The following SLC43A2 variants were observed in gnomAD, a reference collection of about 807,000 sequenced individuals.
SLC43A2 encodes the protein solute carrier family 43 member 2, also known as large neutral amino acids transporter small subunit 4.
In SLC43A2, 38 loss-of-function variants were observed where a neutral mutation model predicts 63.2. That is an observed-to-expected ratio of 0.60 (90% confidence interval 0.46 to 0.79). SLC43A2 has a LOEUF of 0.79. Among genes scored for constraint, SLC43A2 ranks in the 30% least tolerant of loss-of-function variants. The pLI, the probability that SLC43A2 is intolerant of heterozygous loss-of-function variation, is 0.00. For missense variants in SLC43A2, 644 were observed against 756.2 expected, an observed-to-expected ratio of 0.85 and a Z score of 1.74; for synonymous variants, 322 against 331.0, an observed-to-expected ratio of 0.97 and a Z score of 0.30.
chr17:1,605,129 C>T lies in SLC43A2; in HGVS notation c.501+8066G>A. The T allele has an allele frequency of 1.5e-6, 2 of 1,294,594 alleles. No individual in the cohort carries two copies. The highest frequency in any genetic ancestry group is 2.0e-6 in the Non-Finnish European group (2 of 1,014,010). The allele number at this position is 1,294,594 out of a possible 1,614,324, so 80.2% of individuals were successfully genotyped here. On this transcript the variant is annotated intron_variant, in intron 5 of 13. Transcript: ENST00000301335. This position sits in a 1 kb window ranked among gnomAD's most constrained non-coding sequence, Gnocchi z 4.9. ...TCCCGCCCTCAGGTGCTTCCCACAG[C>T]CCCCTCGCCGCCTCTGCCTCCGTGC...
chr17:1,581,362 G>A (rs1319310449), intron 11 of SLC43A2, among the ~76,000 whole-genome samples: 2 of 152,250 alleles, frequency 1.3e-5, no homozygotes, highest in African/African-American at 4.8e-5. Flanking sequence ...TAGGGCAAAG[G>A]TCTGCCAGTC....
chr17:1,615,390 G>A (rs1004410600), intron 3 of SLC43A2, among the ~76,000 whole-genome samples: 1 of 152,012 alleles, frequency 6.6e-6, no homozygotes, highest in Non-Finnish European at 1.5e-5. Context: ...GATTACCAGT[G>A]TAAGCCACCG....
At chr17:1,581,253 C>T (rs972321916) in intron 11 of SLC43A2, among the ~76,000 whole-genome samples, 1 of 148,652 alleles carries the variant, frequency 6.7e-6, no homozygotes, top group African/African-American at 2.5e-5. Flanking sequence ...ACCTCAAATG[C>T]CTTGTTGCCT....
Position 1,583,537 on chromosome 17 carries a change from A to T in SLC43A2, c.1218-201T>A. On this transcript the variant is annotated intron_variant, in intron 10 of 13. Coordinates refer to ENST00000301335, the MANE Select transcript of SLC43A2 (RefSeq NM_152346.3). This position sits in a 1 kb window ranked among gnomAD's most constrained non-coding sequence, Gnocchi z 5.5. The stretch of plus-strand genomic sequence containing the variant: ...CCTTCTCAGTGGCAAGCTGAGTGTG[A>T]CTCTCGGAGGGGGTCTCGGGTACAA... 1 of 792,074 alleles carries T rather than the reference A, an allele frequency of 1.3e-6. No homozygotes were observed. Among genetic ancestry groups the T allele is most frequent in the Non-Finnish European group, 1.9e-6 (1 of 529,502 alleles). The allele number at this position is 792,074 out of a possible 1,614,324, so 49.1% of individuals were successfully genotyped here. A position where few individuals can be genotyped will look rare whatever the true frequency, so the allele number is the denominator to read the frequency against.
intron 2 of SLC43A2, among the ~76,000 whole-genome samples, chr17:1,624,087 C>T (rs1598499631): frequency 1.3e-5 from 2 of 152,364 alleles, no homozygotes; most frequent in Non-Finnish European, 1.5e-5. Flanking sequence ...GCACCCAGCA[C>T]GGCACCTTCG....
intron 5 of SLC43A2, among the ~76,000 whole-genome samples, chr17:1,594,293 G>A (rs1412387081): frequency 1.4e-4 from 22 of 152,130 alleles, no homozygotes; most frequent in Admixed American, 3.9e-4. Context: ...AGGGCAAGAG[G>A]GGGCCCACCT....
chr17:1,579,871 A>G (rs1441100574), intron 11 of SLC43A2, among the ~76,000 whole-genome samples: 1 of 151,776 alleles, frequency 6.6e-6, no homozygotes, highest in Non-Finnish European at 1.5e-5. Context: ...AAAACCATGG[A>G]AAACCTCATC....
chr17:1,585,142 G>T, intron 10 of SLC43A2: 2 of 987,960 alleles, frequency 2.0e-6, no homozygotes, highest in Non-Finnish European at 2.4e-6. Flanking sequence ...CTGCCAAGGG[G>T]TGGAGGGAGG....
chr17:1,617,943 G>A (rs1270251145), intron 2 of SLC43A2, among the ~76,000 whole-genome samples: 2 of 152,242 alleles, frequency 1.3e-5, no homozygotes, highest in East Asian at 3.8e-4. Context: ...CTAGTTAAGA[G>A]ATGCTGACTA....
intron 5 of SLC43A2, 141 bp downstream of exon 5, chr17:1,613,054 C>T (rs1567641933): frequency 4.2e-6 from 3 of 719,954 alleles, no homozygotes; most frequent in Non-Finnish European, 7.2e-6. Flanking sequence ...GCCAGGCCAC[C>T]TCGCCCATAG....
rs114355406 is a variant in SLC43A2, at chr17:1,621,920, C to G, written c.161-5151G>C. Among the ~76,000 whole-genome samples, 223 of 152,304 alleles carry G rather than the reference C, an allele frequency of 1.5e-3. 2 individuals carry two copies. Among genetic ancestry groups the G allele is most frequent in the African/African-American group, 5.0e-3 (208 of 41,562 alleles). The stretch of plus-strand genomic sequence containing the variant: ...AGCCGGGAAAAGGCTGCCCATGTGC[C>G]GGCAACACCAGGAGGCCCTGAATAT... On this transcript the variant is annotated intron_variant, in intron 2 of 13. Coordinates refer to ENST00000301335, the MANE Select transcript of SLC43A2 (RefSeq NM_152346.3).
At chr17:1,617,499 T>A (rs1052946457) in intron 2 of SLC43A2, among the ~76,000 whole-genome samples, 54 of 152,092 alleles carry the variant, frequency 3.6e-4, no homozygotes, top group African/African-American at 1.3e-3. Flanking sequence ...CAAGCAATTC[T>A]CCTGCCTCAG....
At chr17:1,587,100 C>CACTGCGTTTCCCGG in intron 9 of SLC43A2, 1 of 975,628 alleles carries the variant, frequency 1.0e-6, no homozygotes. Flanking sequence ...GCGTTTCCCG[C>CACTGCGTTTCCCGG]ACTGCATTTC....
chr17:1,601,038 C>A (rs1229458695), intron 5 of SLC43A2, among the ~76,000 whole-genome samples: 4 of 149,812 alleles, frequency 2.7e-5, no homozygotes, highest in Non-Finnish European at 5.9e-5. Context: ...GTGGTAGCGA[C>A]TGATTTTCCA....
intron 5 of SLC43A2, among the ~76,000 whole-genome samples, chr17:1,599,573 C>T (rs1363010766): frequency 2.6e-5 from 4 of 151,522 alleles, no homozygotes; most frequent in Non-Finnish European, 4.4e-5. Context: ...TGGTGGCAGG[C>T]ACCTGTAGTC....
chr17:1,627,656 C>CCCCCCCCCCCAA, intron 2 of SLC43A2, 59 bp downstream of exon 2: 1 of 689,916 alleles, frequency 1.4e-6, no homozygotes, highest in Non-Finnish European at 2.2e-6. Context: ...GCCCCCATCC[C>CCCCCCCCCCCAA]GCCCCCTCCC....
intron 11 of SLC43A2, among the ~76,000 whole-genome samples, chr17:1,580,824 G>A (rs191276831): frequency 7.3e-5 from 11 of 151,712 alleles, no homozygotes; most frequent in East Asian, 1.9e-4. Flanking sequence ...TCAACTTCCC[G>A]GGGTGCAGTG....
chr17:1,605,794 G>C lies in SLC43A2; in HGVS notation c.501+7401C>G, dbSNP rs1218158301. Among the ~76,000 whole-genome samples the C allele has an allele frequency of 6.6e-6, 1 of 152,192 alleles. No individual in the cohort carries two copies. The highest frequency in any genetic ancestry group is 1.5e-5 in the Non-Finnish European group (1 of 68,020). The stretch of plus-strand genomic sequence containing the variant: ...GCTGTTTCCTACCCACAACAACCGG[G>C]CACCTCCAAGCACATGCTGCCCGGG... On this transcript the variant is annotated intron_variant, in intron 5 of 13. Coordinates refer to ENST00000301335, the MANE Select transcript of SLC43A2 (RefSeq NM_152346.3). The surrounding 1 kb of genome is among the most constrained non-coding windows in gnomAD (Gnocchi z 4.9).
chr17:1,603,884 G>C (rs769578625), intron 5 of SLC43A2, among the ~76,000 whole-genome samples: 6 of 152,216 alleles, frequency 3.9e-5, no homozygotes, highest in Admixed American at 2.0e-4. Flanking sequence ...ATTCAAGCCA[G>C]GCCAAGCCTC....
Sources: allele counts gnomAD v4.1 joint callset (sites outside exome capture counted in the v4.1 genomes callset), GRCh38; gene constraint gnomAD v4.1.1; non-coding constraint Gnocchi (gnomAD v3.1); transcripts MANE v1.5; gene names NCBI Gene and HGNC (gene_info 2026-07-23, HGNC 2026-07-21).